The following MAPK10 variants were observed in gnomAD, a reference collection of about 807,000 sequenced individuals.
MAPK10 encodes JNK3 alpha protein kinase.
In MAPK10, 25 loss-of-function variants were observed where a neutral mutation model predicts 59.3. The ratio of observed to expected loss-of-function variants is 0.42; its 90% CI spans 0.31 to 0.59. MAPK10 has a LOEUF of 0.59. Among genes scored for constraint, MAPK10 ranks in the 20% least tolerant of loss-of-function variants. The probability of loss-of-function intolerance (pLI) is 0.15; values close to 1 mark genes in which losing one functional copy is unlikely to be tolerated. For synonymous variants in MAPK10, 190 were observed against 200.5 expected, an observed-to-expected ratio of 0.95 and a Z score of 0.44; for missense variants, 351 against 568.9, an observed-to-expected ratio of 0.62 and a Z score of 3.90.
chr4:86,543,432 G>C (rs1333882227), intron 1 of MAPK10, among the ~76,000 whole-genome samples: 1 of 152,036 alleles, frequency 6.6e-6, no homozygotes, highest in Non-Finnish European at 1.5e-5. Flanking sequence ...CCATACACCA[G>C]AGTGACATAT....
intron 9 of MAPK10, chr4:86,081,011 A>G (rs973544913): frequency 4.6e-5 from 7 of 152,056 alleles, no homozygotes; most frequent in Non-Finnish European, 1.0e-4. Context: ...CTTACCTAAT[A>G]TAAGTGCAGA....
intron 2 of MAPK10, among the ~76,000 whole-genome samples, chr4:86,198,582 C>G (rs981334644): frequency 6.6e-6 from 1 of 151,874 alleles, no homozygotes; most frequent in Non-Finnish European, 1.5e-5. Flanking sequence ...TCACGTTGTA[C>G]ACAAAAAATA....
chr4:86,349,880 T>A (rs1286342935), intron 2 of MAPK10, among the ~76,000 whole-genome samples: 1 of 148,084 alleles, frequency 6.8e-6, no homozygotes, highest in Non-Finnish European at 1.5e-5. Context: ...TGGAAAGGAG[T>A]AAGTAAGGGC....
chr4:86,159,750 T>C (rs1004013639), intron 3 of MAPK10, among the ~76,000 whole-genome samples: 6 of 152,034 alleles, frequency 3.9e-5, no homozygotes, highest in African/African-American at 1.4e-4. Context: ...AAGTATCTCA[T>C]AGAGACATTC....
At chr4:86,172,123 G>T (rs1295834763) in intron 3 of MAPK10, among the ~76,000 whole-genome samples, 1 of 136,070 alleles carries the variant, frequency 7.3e-6, no homozygotes, top group Non-Finnish European at 1.5e-5. Context: ...TACACTGTTG[G>T]TGGGACTGTA....
At chr4:86,550,426 CAG>C (rs1327674263) in intron 1 of MAPK10, among the ~76,000 whole-genome samples, 1 of 134,892 alleles carries the variant, frequency 7.4e-6, no homozygotes, top group Admixed American at 7.7e-5. Context: ...AGGCCAGGCA[CAG>C]TGGCTTACGC....
intron 1 of MAPK10, among the ~76,000 whole-genome samples, chr4:86,460,193 G>A (rs1481268385): frequency 1.3e-5 from 2 of 152,166 alleles, no homozygotes; most frequent in Admixed American, 6.5e-5. Context: ...AGAAGTGATG[G>A]CTAAAATATA....
rs775582223 is a variant in MAPK10 at position 86,194,390 on chromosome 4, A to G, written c.12T>C (p.His4=). The change falls in exon 3 of 14, where the codon CAT becomes CAC. Residue 4 remains histidine (H), a synonymous_variant. Transcript: ENST00000641462. ...TTGGTTCACTGCAGTAGTATAAGAA[A>G]TGGAGGCTCATAAATACCTAGAGGA... MSL[H]FLYYCSEPTL... The G allele has an allele frequency of 1.4e-5, 23 of 1,607,538 alleles. No homozygotes were observed. The highest frequency in any genetic ancestry group is 6.7e-5 in the Admixed American group (4 of 59,970).
intron 9 of MAPK10, 78 bp downstream of exon 9, chr4:86,098,446 C>G: frequency 6.3e-7 from 1 of 1,598,272 alleles, no homozygotes; most frequent in South Asian, 1.1e-5. Context: ...TATCTTTACT[C>G]TCCTGGTAAA....
At chr4:86,076,647 C>A (rs927035942) in intron 9 of MAPK10, among the ~76,000 whole-genome samples, 13 of 152,030 alleles carry the variant, frequency 8.6e-5, no homozygotes, top group Non-Finnish European at 1.3e-4. Flanking sequence ...GTCTATCAGG[C>A]CAACATATTC....
At chr4:86,575,852 T>C (rs1401227204) in intron 1 of MAPK10, among the ~76,000 whole-genome samples, 1 of 151,636 alleles carries the variant, frequency 6.6e-6, no homozygotes, top group African/African-American at 2.4e-5. Context: ...ACAAGTCATT[T>C]GAGGGAAACC....
chr4:86,575,028 T>C (rs778007879), intron 1 of MAPK10, among the ~76,000 whole-genome samples: 13 of 152,190 alleles, frequency 8.5e-5, no homozygotes, highest in Admixed American at 3.3e-4. Flanking sequence ...TTCAGTAAAA[T>C]AGATTGCCCT....
At chr4:86,242,669 T>C (rs1302455066) in intron 2 of MAPK10, among the ~76,000 whole-genome samples, 1 of 152,190 alleles carries the variant, frequency 6.6e-6, no homozygotes, top group Non-Finnish European at 1.5e-5. Context: ...GGACAAGTCT[T>C]GGGACCAAGC....
At chr4:86,113,486 C>G (rs2057843253) in intron 4 of MAPK10, among the ~76,000 whole-genome samples, 1 of 152,060 alleles carries the variant, frequency 6.6e-6, no homozygotes, top group African/African-American at 2.4e-5. Flanking sequence ...ATTAGTGTGG[C>G]CAGATATGAA....
intron 2 of MAPK10, among the ~76,000 whole-genome samples, chr4:86,271,733 G>A (rs576484539): frequency 1.0e-3 from 158 of 151,932 alleles, no homozygotes; most frequent in Non-Finnish European, 2.0e-3. Context: ...TCAAATGGCA[G>A]CAGCAAAGAG....
chr4:86,494,704 G>A (rs1043783793), intron 1 of MAPK10, among the ~76,000 whole-genome samples: 20 of 151,662 alleles, frequency 1.3e-4, no homozygotes, highest in Admixed American at 9.8e-4. Context: ...CTAGCTGGCC[G>A]TGGTGGCGGG....
intron 1 of MAPK10, among the ~76,000 whole-genome samples, chr4:86,452,772 A>G (rs1271412206): frequency 6.6e-6 from 1 of 152,148 alleles, no homozygotes; most frequent in East Asian, 1.9e-4. Context: ...ACTGGACTGC[A>G]GCTCCCACTC....
intron 11 of MAPK10, among the ~76,000 whole-genome samples, chr4:86,042,692 G>T (rs903748430): frequency 4.0e-5 from 6 of 151,454 alleles, no homozygotes; most frequent in African/African-American, 1.5e-4. Flanking sequence ...AAAATTTATG[G>T]TAGAGACAAA....
chr4:86,233,082 C>T (rs1041890615), intron 2 of MAPK10, among the ~76,000 whole-genome samples: 2 of 152,050 alleles, frequency 1.3e-5, no homozygotes, highest in African/African-American at 2.4e-5. Context: ...ATTTCCATTT[C>T]GAAGATGAGA....
Sources: gnomAD v4.1 joint callset for allele counts (sites outside exome capture counted in the v4.1 genomes callset) on GRCh38, gnomAD v4.1.1 for gene constraint, MANE v1.5 for transcripts, NCBI Gene and HGNC (gene_info 2026-07-23, HGNC 2026-07-21) for gene names.